Variants in ZNF680 observed in about 807,000 individuals in gnomAD.
ZNF680 encodes zinc finger protein 680, also known as hypothetical protein FLJ90430.
A neutral mutation model predicts 12.1 loss-of-function variants in ZNF680; 6 were observed. The ratio of observed to expected loss-of-function variants is 0.49; its 90% CI spans 0.27 to 0.98. ZNF680 has a LOEUF of 0.98. Among genes scored for constraint, ZNF680 ranks in the 50% least tolerant of loss-of-function variants. ZNF680 has a pLI of 0.12. For missense variants in ZNF680, 561 were observed against 616.3 expected (o/e 0.91, Z 0.95); for synonymous variants, 170 against 199.3 (o/e 0.85, Z 1.24).
At chr7:64,513,057 C>T in the ZNF680 span, among the ~76,000 whole-genome samples, 1 of 152,036 alleles carries the variant, frequency 6.6e-6, no homozygotes, top group Non-Finnish European at 1.5e-5. Flanking sequence ...TTCTATTTGC[C>T]TGCTTCACAA....
At chr7:64,536,373 T>C (rs1242244117) in intron 3 of ZNF680, among the ~76,000 whole-genome samples, 1 of 152,108 alleles carries the variant, frequency 6.6e-6, no homozygotes, top group Non-Finnish European at 1.5e-5. Flanking sequence ...CTGGTGAGGG[T>C]CTCAGGAAGC....
At chr7:64,539,664 T>G (rs1786394606) in intron 3 of ZNF680, among the ~76,000 whole-genome samples, 1 of 152,196 alleles carries the variant, frequency 6.6e-6, no homozygotes, top group African/African-American at 2.4e-5. Flanking sequence ...TGTACAACTT[T>G]TATTCAGACA....
the ZNF680 span, among the ~76,000 whole-genome samples, chr7:64,510,285 C>A: frequency 1.3e-5 from 2 of 150,888 alleles, no homozygotes; most frequent in African/African-American, 2.4e-5. Context: ...AAACCAAAAC[C>A]AAACCTCGTA....
the ZNF680 span, among the ~76,000 whole-genome samples, chr7:64,499,501 T>G: frequency 3.0e-4 from 45 of 152,194 alleles, no homozygotes; most frequent in Non-Finnish European, 1.3e-4. Flanking sequence ...CTGACGCCTG[T>G]AATCCCAACA....
chr7:64,532,631 T>C (rs1022028242), intron 3 of ZNF680, among the ~76,000 whole-genome samples: 1 of 152,054 alleles, frequency 6.6e-6, no homozygotes, highest in Admixed American at 6.6e-5. Context: ...TTGACACTAT[T>C]CCAGAAGACA....
chr7:64,533,975 A>G (rs1786025585), intron 3 of ZNF680, among the ~76,000 whole-genome samples: 1 of 152,208 alleles, frequency 6.6e-6, no homozygotes, highest in African/African-American at 2.4e-5. Context: ...TAGGAGAATA[A>G]AACTGGATCT....
In ZNF680 at chr7:64,543,692, A is replaced by C. The variant is rs914342135; in HGVS notation, c.253+15T>G. The C allele has an allele frequency of 1.2e-6, 2 of 1,605,504 alleles. No homozygotes were observed. Among genetic ancestry groups the C allele is most frequent in the East Asian group, 2.2e-5 (1 of 44,726 alleles). On this transcript the variant is annotated intron_variant, in intron 3 of 3. Coordinates refer to ENST00000309683, the MANE Select transcript of ZNF680 (RefSeq NM_178558.5). The stretch of plus-strand genomic sequence containing the variant: ...ATCTGTGTCATCTGTTGTATTCACT[A>C]TCACTCTCACCTACCTGGGGGTTTG...
rs1342705910 is a variant in ZNF680 at position 64,530,932 on chromosome 7, A to G, written c.254-8432T>C. On this transcript the variant is annotated intron_variant, in intron 3 of 3. Transcript: ENST00000309683. The stretch of plus-strand genomic sequence containing the variant: ...TAATAAAAGGCCTTGTCCAACAGAA[A>G]AACATCACAAACCTAAACATTCATG... Among the ~76,000 whole-genome samples the G allele has an allele frequency of 2.6e-5, 4 of 151,294 alleles. No homozygotes were observed. The East Asian group carries it at 5.8e-4, about 22-fold the overall frequency.
chr7:64,549,388 T>C (rs1023794678), intron 1 of ZNF680, among the ~76,000 whole-genome samples: 4 of 152,182 alleles, frequency 2.6e-5, no homozygotes, highest in African/African-American at 9.7e-5. Flanking sequence ...AGCAGGTCAC[T>C]GAACAAGATC....
In ZNF680 at chr7:64,563,056, C is replaced by T. The variant is rs1212896746; in HGVS notation, c.-102G>A. The stretch of plus-strand genomic sequence containing the variant: ...CAGTAAAGACTAGACCTGGAGCTCC[C>T]GCAGCAGCTAGAGACAAAGGCCCCG... On this transcript the variant is annotated 5_prime_UTR_variant, in exon 1 of 4. Transcript: ENST00000309683. 7.1e-7 allele frequency: 1 copy of T among 1,409,222 alleles called. No homozygotes were observed. The highest frequency in any genetic ancestry group is 9.9e-7 in the Non-Finnish European group (1 of 1,007,120). 87.3% of individuals were successfully genotyped at this position (1,409,222 alleles called of 1,614,324 possible).
chr7:64,504,751 CATGCACCTATTAGGGTCTTA>C, the ZNF680 span, among the ~76,000 whole-genome samples: 1 of 152,338 alleles, frequency 6.6e-6, no homozygotes, highest in African/African-American at 2.4e-5. Flanking sequence ...ATGCTTTCCA[CATGCACCTATTAGGGTCTTA>C]ATTTAATCGG....
the ZNF680 span, among the ~76,000 whole-genome samples, chr7:64,509,739 T>C: frequency 6.6e-6 from 1 of 152,086 alleles, no homozygotes; most frequent in Non-Finnish European, 1.5e-5. Context: ...TAAGTGTAAC[T>C]AAATCCTGCC....
the ZNF680 span, among the ~76,000 whole-genome samples, chr7:64,514,502 G>C: frequency 6.6e-6 from 1 of 152,034 alleles, no homozygotes; most frequent in African/African-American, 2.4e-5. Context: ...TTTAACAAAT[G>C]TTCTCCAATG....
rs182049698 is a variant in ZNF680 at position 64,525,813 on chromosome 7, A to G, written c.254-3313T>C. ...AATAAATAGATGTTGAAATTAGGAG[A>G]ATTTCTATGACTTCTCACCTAGTCA... On this transcript the variant is annotated intron_variant, in intron 3 of 3. Transcript: ENST00000309683. 3.7e-5 allele frequency: 36 copies of G among 984,056 alleles called. No homozygotes were observed. In the East Asian group the frequency reaches 3.5e-3, roughly 96 times the overall value. The allele number at this position is 984,056 out of a possible 1,614,324, so 61.0% of individuals were successfully genotyped here. A position where few individuals can be genotyped will look rare whatever the true frequency, so the allele number is the denominator to read the frequency against.
At chr7:64,509,862 C>A in the ZNF680 span, among the ~76,000 whole-genome samples, 300 of 152,110 alleles carry the variant, frequency 2.0e-3, no homozygotes, top group African/African-American at 5.9e-3. Flanking sequence ...GAGGATGCCC[C>A]TTCTCTCTTG....
chr7:64,515,040 TCACACACACACA>T (rs60936039), downstream of ZNF680, among the ~76,000 whole-genome samples: 37 of 149,180 alleles, frequency 2.5e-4, no homozygotes, highest in African/African-American at 7.6e-4. Context: ...CAAAACTCTG[TCACACACACACA>T]CACACACACA....
chr7:64,529,261 G>A (rs59622152), intron 3 of ZNF680, among the ~76,000 whole-genome samples: 34,306 of 151,920 alleles, frequency 0.23, 4,062 homozygotes, highest in South Asian at 0.28. Flanking sequence ...GCTCTTTAAC[G>A]CCCCCAAATT....
intron 1 of ZNF680, among the ~76,000 whole-genome samples, chr7:64,554,171 G>T (rs974485279): frequency 6.6e-6 from 1 of 151,624 alleles, no homozygotes; most frequent in South Asian, 2.1e-4. Flanking sequence ...CATCGTCTGG[G>T]ATGTGGGGAG....
chr7:64,546,489 C>T (rs1411749500), intron 1 of ZNF680, among the ~76,000 whole-genome samples: 2 of 152,170 alleles, frequency 1.3e-5, no homozygotes, highest in Non-Finnish European at 2.9e-5. Flanking sequence ...GGCCAATAAT[C>T]CTAGCATACC....
Sources: allele counts gnomAD v4.1 joint callset (sites outside exome capture counted in the v4.1 genomes callset), GRCh38; gene constraint gnomAD v4.1.1; transcripts MANE v1.5; gene names NCBI Gene and HGNC (gene_info 2026-07-23, HGNC 2026-07-21).